The following PLXNA4 variants were observed in gnomAD, a reference collection of about 807,000 sequenced individuals.
PLXNA4 encodes plexin-A4.
A neutral mutation model predicts 191.8 loss-of-function variants in PLXNA4; 44 were observed. The ratio of observed to expected loss-of-function variants is 0.23; its 90% CI spans 0.18 to 0.29. The LOEUF (loss-of-function observed/expected upper bound fraction) is 0.29. PLXNA4 is among the 10% of genes least tolerant of loss of function. PLXNA4 has a pLI of 1.00. For missense variants in PLXNA4, 1,800 were observed against 2,488.8 expected, an observed-to-expected ratio of 0.72 and a Z score of 5.89; for synonymous variants, 1,082 against 1,009.5, an observed-to-expected ratio of 1.07 and a Z score of -1.36.
In PLXNA4 at chr7:132,568,401, C is replaced by T. The variant is rs560817472; in HGVS notation, c.-87+8021G>A. Among the ~76,000 whole-genome samples, 4 of 152,226 alleles carry T rather than the reference C, an allele frequency of 2.6e-5. No homozygotes were observed. The East Asian group carries it at 5.8e-4, about 22-fold the overall frequency. ...GGTTTAAATGGGATAATAGTGTAGT[C>T]GACTAGTGTTGACACAGACTCGTGA... On this transcript the variant is annotated intron_variant, in intron 1 of 31. Coordinates refer to ENST00000321063, the MANE Select transcript of PLXNA4 (RefSeq NM_020911.2).
intron 3 of PLXNA4, among the ~76,000 whole-genome samples, chr7:132,413,942 G>A (rs770972724): frequency 1.1e-4 from 16 of 152,134 alleles, no homozygotes; most frequent in Non-Finnish European, 1.8e-4. Flanking sequence ...TATGCACTCC[G>A]CCACCAGTCA....
At chr7:132,222,811 T>C (rs543935955) in intron 9 of PLXNA4, among the ~76,000 whole-genome samples, 1 of 152,244 alleles carries the variant, frequency 6.6e-6, no homozygotes, top group South Asian at 2.1e-4. Context: ...TCAAGAAGAA[T>C]AAAAATTCAG....
At chr7:132,132,906 C>T (rs1795009850) in intron 31 of PLXNA4, 143 bp downstream of exon 31, 1 of 1,218,318 alleles carries the variant, frequency 8.2e-7, no homozygotes, top group South Asian at 1.9e-5. Flanking sequence ...GCCTTTGGAT[C>T]ACAGCCCCAG....
intron 3 of PLXNA4, among the ~76,000 whole-genome samples, chr7:132,303,990 C>G (rs1439066740): frequency 6.6e-6 from 1 of 152,202 alleles, no homozygotes; most frequent in Non-Finnish European, 1.5e-5. Flanking sequence ...ACCAATATGG[C>G]ATGCCAGTGA....
intron 3 of PLXNA4, among the ~76,000 whole-genome samples, chr7:132,467,197 G>A (rs1796738465): frequency 6.6e-6 from 1 of 152,146 alleles, no homozygotes; most frequent in Non-Finnish European, 1.5e-5. Flanking sequence ...ACCTCTCTGG[G>A]GTCATCTCCA....
intron 4 of PLXNA4, among the ~76,000 whole-genome samples, chr7:132,258,058 C>T (rs1799493378): frequency 6.6e-6 from 1 of 152,234 alleles, no homozygotes; most frequent in Admixed American, 6.5e-5. Flanking sequence ...AAGCTCCACC[C>T]CGTAGGGCCC....
At chr7:132,208,950 A>C (rs1398789166) in intron 10 of PLXNA4, among the ~76,000 whole-genome samples, 1 of 151,944 alleles carries the variant, frequency 6.6e-6, no homozygotes, top group Non-Finnish European at 1.5e-5. Context: ...ATGGCTAAGG[A>C]CTCATTTGGT....
chr7:132,257,070 C>T (rs1297071852), intron 4 of PLXNA4, among the ~76,000 whole-genome samples: 1 of 152,190 alleles, frequency 6.6e-6, no homozygotes, highest in African/African-American at 2.4e-5. Context: ...CTCAAGGTCA[C>T]GCAGCCTGTG....
At chr7:132,146,203 A>G (rs1795428764) in intron 28 of PLXNA4, among the ~76,000 whole-genome samples, 1 of 152,050 alleles carries the variant, frequency 6.6e-6, no homozygotes, top group African/African-American at 2.4e-5. Context: ...TTTATAAGGC[A>G]TGGCAGAAGA....
At chr7:132,424,612 A>G (rs568506328) in intron 3 of PLXNA4, among the ~76,000 whole-genome samples, 6 of 152,138 alleles carry the variant, frequency 3.9e-5, no homozygotes, top group African/African-American at 1.2e-4. Flanking sequence ...TGAGGACACT[A>G]TACACCCTGG....
chr7:132,160,127 A>C (rs568819011), intron 24 of PLXNA4, among the ~76,000 whole-genome samples: 8 of 152,122 alleles, frequency 5.3e-5, no homozygotes, highest in African/African-American at 1.9e-4. Flanking sequence ...ACACACACAC[A>C]GAACTAATAG....
chr7:132,179,662 C>A, intron 20 of PLXNA4, 25 bp downstream of exon 20: 1 of 1,603,202 alleles, frequency 6.2e-7, no homozygotes, highest in East Asian at 2.2e-5. Context: ...ACACACATGG[C>A]CTCCAGCATG....
chr7:132,440,012 A>G (rs112209082), intron 3 of PLXNA4, among the ~76,000 whole-genome samples: 38 of 76,822 alleles, frequency 4.9e-4, no homozygotes, highest in East Asian at 7.0e-4. Context: ...GTGTGTGTGT[A>G]TGTGTGTGTG....
chr7:132,633,221 A>G (rs576427915), intron 2 of PLXNA4, among the ~76,000 whole-genome samples: 28 of 152,096 alleles, frequency 1.8e-4, no homozygotes, highest in Non-Finnish European at 2.8e-4. Flanking sequence ...TGCCTGAGAC[A>G]GAGGAGGACA....
At chr7:132,247,197 G>A (rs781750419) in intron 4 of PLXNA4, among the ~76,000 whole-genome samples, 3 of 152,168 alleles carry the variant, frequency 2.0e-5, no homozygotes, top group Admixed American at 6.5e-5. Flanking sequence ...ATTCAGAAAT[G>A]TTCCACAGAT....
intron 9 of PLXNA4, among the ~76,000 whole-genome samples, chr7:132,220,504 C>A (rs1798107786): frequency 6.6e-6 from 1 of 152,170 alleles, no homozygotes; most frequent in South Asian, 2.1e-4. Flanking sequence ...AGAGCCCCTC[C>A]CTGCCATGGC....
intron 16 of PLXNA4, among the ~76,000 whole-genome samples, chr7:132,182,772 G>T (rs1478251599): frequency 6.6e-6 from 1 of 152,124 alleles, no homozygotes; most frequent in Non-Finnish European, 1.5e-5. Context: ...TTTTGGACTC[G>T]GGTCTCCTGT....
intron 3 of PLXNA4, among the ~76,000 whole-genome samples, chr7:132,364,159 G>A (rs948186316): frequency 1.1e-4 from 17 of 152,204 alleles, no homozygotes; most frequent in Admixed American, 9.8e-4. Flanking sequence ...TGGGAAAGGC[G>A]GGGCTGGGTA....
chr7:132,361,590 A>G (rs1241450569), intron 3 of PLXNA4, among the ~76,000 whole-genome samples: 1 of 152,204 alleles, frequency 6.6e-6, no homozygotes, highest in Non-Finnish European at 1.5e-5. Flanking sequence ...CTACATTAAT[A>G]TAAGAAAAAT....
Sources: allele counts gnomAD v4.1 joint callset (sites outside exome capture counted in the v4.1 genomes callset), GRCh38; gene constraint gnomAD v4.1.1; transcripts MANE v1.5; gene names NCBI Gene and HGNC (gene_info 2026-07-23, HGNC 2026-07-21).